The following ARID1B variants were observed in gnomAD, a reference collection of about 807,000 sequenced individuals.
ARID1B encodes the protein AT-rich interactive domain-containing protein 1B.
A neutral mutation model predicts 212.3 loss-of-function variants in ARID1B; 30 were observed. That is an observed-to-expected ratio of 0.14 (90% CI 0.11 to 0.19). The LOEUF (loss-of-function observed/expected upper bound fraction) is 0.19, where lower values mean the gene tolerates loss of function less well. ARID1B is among the 10% of genes least tolerant of loss of function. The pLI is 1.00. For missense variants in ARID1B, 2,891 were observed against 3,204.0 expected, an observed-to-expected ratio of 0.90 and a Z score of 2.36; for synonymous variants, 1,402 against 1,301.7, an observed-to-expected ratio of 1.08 and a Z score of -1.66.
chr6:157,073,102 CT>C (rs869172647), intron 4 of ARID1B, among the ~76,000 whole-genome samples: 267 of 138,766 alleles, frequency 1.9e-3, no homozygotes, highest in Middle Eastern at 0.011. Context: ...TTCACCCCAT[CT>C]TTTTTTTTTT....
At chr6:157,123,247 C>CCCCCCA (rs1554299918) in intron 6 of ARID1B, among the ~76,000 whole-genome samples, 14 of 111,838 alleles carry the variant, frequency 1.3e-4, no homozygotes, top group Non-Finnish European at 2.4e-4. Context: ...CGCCCCCCCC[C>CCCCCCA]CACACACACA....
chr6:157,040,884 G>A (rs907923241), intron 4 of ARID1B, among the ~76,000 whole-genome samples: 1 of 152,194 alleles, frequency 6.6e-6, no homozygotes, highest in Admixed American at 6.5e-5. Context: ...TAGACAATAA[G>A]CACTTCCGCT....
At chr6:156,815,203 T>C (rs541640100) in intron 1 of ARID1B, among the ~76,000 whole-genome samples, 3 of 152,310 alleles carry the variant, frequency 2.0e-5, no homozygotes, top group East Asian at 1.9e-4. Context: ...CACTGTAAGA[T>C]AGTGCTCTTT....
chr6:157,063,017 TA>T (rs1783450817), intron 4 of ARID1B, among the ~76,000 whole-genome samples: 1 of 152,176 alleles, frequency 6.6e-6, no homozygotes, highest in South Asian at 2.1e-4. Context: ...AAATATATTT[TA>T]AAGAAATAAG....
intron 2 of ARID1B, among the ~76,000 whole-genome samples, chr6:156,851,416 G>A (rs1784573232): frequency 6.6e-6 from 1 of 152,216 alleles, no homozygotes. Flanking sequence ...TTTTTAAAAA[G>A]AAGAATGTTT....
At chr6:156,934,791 G>A (rs369903173) in intron 3 of ARID1B, among the ~76,000 whole-genome samples, 15 of 150,844 alleles carry the variant, frequency 9.9e-5, no homozygotes, top group East Asian at 7.8e-4. Context: ...TTCACTCTGG[G>A]TTTAAAGACA....
intron 4 of ARID1B, among the ~76,000 whole-genome samples, chr6:157,010,904 G>T (rs1220193302): frequency 6.6e-6 from 1 of 152,100 alleles, no homozygotes. Context: ...ACTATCATAG[G>T]GAATTATTAG....
chr6:156,858,887 A>T (rs1029394070), intron 2 of ARID1B, among the ~76,000 whole-genome samples: 1 of 152,204 alleles, frequency 6.6e-6, no homozygotes, highest in African/African-American at 2.4e-5. Context: ...TGTGTAGGGC[A>T]CTTAACTGTG....
intron 15 of ARID1B, chr6:157,194,927 T>C (rs1028360012): frequency 1.3e-5 from 2 of 152,156 alleles, no homozygotes; most frequent in African/African-American, 4.8e-5. Context: ...AGTTCGAGGC[T>C]ACAGTAAGCT....
intron 4 of ARID1B, among the ~76,000 whole-genome samples, chr6:156,956,271 G>A (rs1178373654): frequency 1.3e-5 from 2 of 151,998 alleles, no homozygotes; most frequent in East Asian, 1.9e-4. Context: ...ATTTCCACTC[G>A]GACTTGTCAT....
chr6:157,177,506 A>G lies in ARID1B; in HGVS notation c.3504+2501A>G, dbSNP rs377710205. Among the ~76,000 whole-genome samples, 66 of 152,340 alleles carry G rather than the reference A, an allele frequency of 4.3e-4. No individual in the cohort carries two copies. In the South Asian group the frequency reaches 0.013, roughly 30 times the overall value. ...AAAGGCAAAATGATGAAGATGCTCT[A>G]TGCTTTGACAGTGTACTGTGGACCA... On this transcript the variant is annotated intron_variant, in intron 11 of 19. Transcript: ENST00000636930.
intron 4 of ARID1B, among the ~76,000 whole-genome samples, chr6:156,993,638 G>C (rs893733299): frequency 1.3e-5 from 2 of 152,156 alleles, no homozygotes; most frequent in African/African-American, 2.4e-5. Flanking sequence ...CCTAAGGATA[G>C]TGCCAAACAA....
chr6:157,180,289 C>G (rs1316552337), intron 11 of ARID1B, among the ~76,000 whole-genome samples: 2 of 150,112 alleles, frequency 1.3e-5, no homozygotes, highest in Non-Finnish European at 3.0e-5. Context: ...AACACATGAG[C>G]ATATAAATAC....
chr6:157,206,836 G>A lies in ARID1B; in HGVS notation c.6064G>A (p.Glu2022Lys), dbSNP rs1377079397. Residue 2022 changes from glutamate (E) to lysine (K), a missense_variant, in exon 20 of 20, where the codon GAA (glutamate) becomes AAA (lysine). By Grantham distance (56) the Glu-to-Lys change is moderately conservative (BLOSUM62 1). Transcript: ENST00000636930. The surrounding 1 kb of genome is among the most constrained non-coding windows in gnomAD (Gnocchi z 6.8). ...PEDANPGPQTESSKFPFGIQQ... is the reference protein window; with the variant it reads ...PEDANPGPQTKSSKFPFGIQQ... ...AGACGCAAACCCTGGGCCCCAGACC[G>A]AAAGCAGTAAGTTTCCCTTTGGTAT... 15 of 1,613,984 alleles carry A rather than the reference G, an allele frequency of 9.3e-6. No homozygotes were observed. The highest frequency in any genetic ancestry group is 4.0e-5 in the African/African-American group (3 of 74,926).
intron 16 of ARID1B, 25 bp downstream of exon 16, chr6:157,196,340 A>C: frequency 6.3e-7 from 1 of 1,579,658 alleles, no homozygotes; most frequent in Non-Finnish European, 8.6e-7. Context: ...AGATGACAAT[A>C]TGATGATTTA....
chr6:157,011,829 G>A (rs1030601837), intron 4 of ARID1B, among the ~76,000 whole-genome samples: 2 of 152,144 alleles, frequency 1.3e-5, no homozygotes, highest in Non-Finnish European at 2.9e-5. Flanking sequence ...TTATTTCTCA[G>A]AATTTATGAT....
chr6:157,140,074 A>G (rs1355902150), intron 7 of ARID1B, among the ~76,000 whole-genome samples: 1 of 152,164 alleles, frequency 6.6e-6, no homozygotes, highest in Admixed American at 6.5e-5. Context: ...ATTCTATTTA[A>G]GGAATAAATT....
chr6:156,948,144 G>T (rs973027538), intron 4 of ARID1B, among the ~76,000 whole-genome samples: 3 of 152,186 alleles, frequency 2.0e-5, no homozygotes, highest in Non-Finnish European at 4.4e-5. Context: ...ATTAAAGTTA[G>T]GGGTATTCTT....
chr6:156,876,922 G>T (rs1786608071), intron 2 of ARID1B, among the ~76,000 whole-genome samples: 1 of 152,144 alleles, frequency 6.6e-6, no homozygotes, highest in Admixed American at 6.5e-5. Flanking sequence ...TTGAGATGGA[G>T]TCTTGCTTTG....
Sources: allele counts gnomAD v4.1 joint callset (sites outside exome capture counted in the v4.1 genomes callset), GRCh38; gene constraint gnomAD v4.1.1; non-coding constraint Gnocchi (gnomAD v3.1); transcripts MANE v1.5; gene names NCBI Gene and HGNC (gene_info 2026-07-23, HGNC 2026-07-21).